SARDH: variants seen among roughly 807,000 people sequenced by gnomAD.
SARDH encodes sarcosine dehydrogenase, also known as sarcosine dehydrogenase, mitochondrial.
SARDH carries 95 observed loss-of-function variants against 109.1 expected under a neutral mutation model. That is an observed-to-expected ratio of 0.87 (90% CI 0.74 to 1.03). The LOEUF is 1.03. SARDH is among the 50% of genes least tolerant of loss of function. The pLI is 0.00. For synonymous variants in SARDH, 572 were observed against 534.8 expected, an observed-to-expected ratio of 1.07 and a Z score of -0.96; for missense variants, 1,267 against 1,287.8, an observed-to-expected ratio of 0.98 and a Z score of 0.25.
In SARDH at chr9:133,731,299, C is replaced by A; in HGVS notation, c.690+6G>T. 1.9e-6 allele frequency: 3 copies of A among 1,613,858 alleles called. No individual in the cohort carries two copies. Among genetic ancestry groups the A allele is most frequent in the Non-Finnish European group, 2.5e-6 (3 of 1,179,882 alleles). On this transcript the variant is annotated splice_donor_region_variant and intron_variant, in intron 4 of 20. Transcript: ENST00000439388. ...AGGGGACCCAGAGCCAGGCGGCCAT[C>A]AGTACCTGTGCTCCTCGGGCAGAAG...
intron 17 of SARDH, among the ~76,000 whole-genome samples, chr9:133,680,069 AT>A (rs1830644825): frequency 6.6e-6 from 1 of 152,300 alleles, no homozygotes; most frequent in East Asian, 1.9e-4. Context: ...TCATCAACAC[AT>A]TTTTAAGCCA....
chr9:133,699,060 AAGAC>A (rs953255194), intron 13 of SARDH, among the ~76,000 whole-genome samples: 2 of 152,210 alleles, frequency 1.3e-5, no homozygotes, highest in African/African-American at 4.8e-5. Flanking sequence ...CAATAATAAA[AAGAC>A]AGTCGGCTGC....
At position 133,667,572 on chromosome 9, in the gene SARDH, C is replaced by CA. The variant is rs796833527; in HGVS notation, c.2496-703dup. Among the ~76,000 whole-genome samples, 251 of 138,654 alleles carry CA rather than the reference C, an allele frequency of 1.8e-3. 1 individual carries two copies. The highest frequency in any genetic ancestry group is 0.017 in the East Asian group (84 of 4,864). The allele number at this position is 138,654 out of a possible 152,430, so 91.0% of individuals were successfully genotyped here. A position where few individuals can be genotyped will look rare whatever the true frequency, so the allele number is the denominator to read the frequency against. ...GTTTTAAAGATTAAAAGCAGGAAGACAAAAAAAAAAAAGTAAGCTAAAATC... is the reference window on the plus strand; with the variant it reads ...GTTTTAAAGATTAAAAGCAGGAAGACAAAAAAAAAAAAAGTAAGCTAAAATC... On this transcript the variant is annotated intron_variant, in intron 19 of 20. Transcript: ENST00000439388.
At chr9:133,733,720 C>T in intron 2 of SARDH, 123 bp downstream of exon 2, 1 of 1,004,280 alleles carries the variant, frequency 1.0e-6, no homozygotes, top group Non-Finnish European at 1.4e-6. Flanking sequence ...GCCATGCACC[C>T]TTCCCCAGGG....
intron 2 of SARDH, 53 bp from the exon 3 acceptor site, chr9:133,732,654 TC>T: frequency 6.5e-7 from 1 of 1,531,584 alleles, no homozygotes; most frequent in Non-Finnish European, 8.8e-7. Context: ...TGCACCTCCT[TC>T]CCCCAGACGA....
chr9:133,684,777 G>A (rs903843132), intron 17 of SARDH, among the ~76,000 whole-genome samples: 4 of 152,226 alleles, frequency 2.6e-5, no homozygotes, highest in Non-Finnish European at 5.9e-5. Context: ...CAGCTGGGAG[G>A]CTGCCACACG....
chr9:133,708,820 C>T (rs1831803848), intron 10 of SARDH, among the ~76,000 whole-genome samples: 1 of 152,068 alleles, frequency 6.6e-6, no homozygotes, highest in Non-Finnish European at 1.5e-5. Flanking sequence ...GCTCAGATCC[C>T]CAGAATGCTC....
At position 133,666,939 on chromosome 9, in the gene SARDH, G is replaced by A. The variant is rs1250773345; in HGVS notation, c.2496-69C>T. The A allele has an allele frequency of 6.3e-7, 1 of 1,584,646 alleles. No homozygotes were observed. The highest frequency in any genetic ancestry group is 1.3e-5 in the African/African-American group (1 of 74,404). On this transcript the variant is annotated intron_variant, in intron 19 of 20. Coordinates refer to ENST00000439388, the MANE Select transcript of SARDH (RefSeq NM_001134707.2). The surrounding 1 kb of genome is among the most constrained non-coding windows in gnomAD (Gnocchi z 5.2). Reference sequence around the variant, plus strand: ...GGTGGGGACGCGTCCACAGCGGCCTGGAGGAGAATGGGGGGCTGCATGATG... The same window carrying A: ...GGTGGGGACGCGTCCACAGCGGCCTAGAGGAGAATGGGGGGCTGCATGATG...
Position 133,696,257 on chromosome 9 carries a change from G to C in SARDH, c.1773C>G (p.Asp591Glu). Residue 591 changes from aspartate to glutamate, a missense_variant, in exon 14 of 21, where the codon GAC becomes GAG. Asp to Glu is a conservative substitution (Grantham distance 45, BLOSUM62 2). Coordinates refer to ENST00000439388, the MANE Select transcript of SARDH (RefSeq NM_001134707.2). ...GGCTGACATCTGCGGAGAAGAGCCA[G>C]TCGGCAGCCTTCCTTGCATCCAGCC... ...LVGLDARKAA[D>E]WLFSADVSRP... The C allele has an allele frequency of 6.2e-7, 1 of 1,614,156 alleles. No homozygotes were observed. The highest frequency in any genetic ancestry group is 8.5e-7 in the Non-Finnish European group (1 of 1,180,044).
intron 10 of SARDH, among the ~76,000 whole-genome samples, chr9:133,711,250 G>C (rs576356139): frequency 6.6e-6 from 1 of 152,344 alleles, no homozygotes; most frequent in South Asian, 2.1e-4. Context: ...GCACAGAGAG[G>C]CCACACAGAA....
chr9:133,724,404 G>A (rs935719996), intron 6 of SARDH, among the ~76,000 whole-genome samples: 4 of 152,206 alleles, frequency 2.6e-5, no homozygotes, highest in Non-Finnish European at 5.9e-5. Flanking sequence ...GTAAGCACAT[G>A]AAGAGATGCC....
rs761897698 is a variant in SARDH, at chr9:133,685,134, G to A, written c.2163+59C>T. On this transcript the variant is annotated intron_variant, in intron 17 of 20. Coordinates refer to ENST00000439388, the MANE Select transcript of SARDH (RefSeq NM_001134707.2). ...GCCCCCAGCCCCCAGATCCCCCGGC[G>A]CACCCCTCACACCATGCTGCCACCC... 384 of 1,438,098 alleles carry A rather than the reference G, an allele frequency of 2.7e-4. 2 individuals are homozygous for A. The highest frequency in any genetic ancestry group is 4.9e-4 in the South Asian group (41 of 83,684). 89.1% of individuals were successfully genotyped at this position (1,438,098 alleles called of 1,614,324 possible).
chr9:133,659,663 G>T (rs1362859244), downstream of SARDH, among the ~76,000 whole-genome samples: 2 of 152,178 alleles, frequency 1.3e-5, no homozygotes, highest in Non-Finnish European at 2.9e-5. Context: ...CTTCTGCAAG[G>T]CACTTCACTT....
chr9:133,728,012 G>C lies in SARDH; in HGVS notation c.915+1753C>G, dbSNP rs2131496188. ...CACTGAGACCTGAGCGTGACCCCTGGCGGCCACCTAGGGGAGGAGGCTCTC... is the reference window on the plus strand; with the variant it reads ...CACTGAGACCTGAGCGTGACCCCTGCCGGCCACCTAGGGGAGGAGGCTCTC... On this transcript the variant is annotated intron_variant, in intron 6 of 20. Transcript: ENST00000439388. This position sits in a 1 kb window ranked among gnomAD's most constrained non-coding sequence, Gnocchi z 5.0. Among the ~76,000 whole-genome samples, 1 of 152,192 alleles carries C rather than the reference G, an allele frequency of 6.6e-6. No individual in the cohort carries two copies. The highest frequency in any genetic ancestry group is 1.9e-4 in the East Asian group (1 of 5,166).
At chr9:133,689,688 A>G (rs1831022052) in intron 16 of SARDH, among the ~76,000 whole-genome samples, 1 of 152,094 alleles carries the variant, frequency 6.6e-6, no homozygotes, top group Admixed American at 6.5e-5. Flanking sequence ...GGCAAGTCAC[A>G]GGTGCTCCAC....
intron 6 of SARDH, among the ~76,000 whole-genome samples, chr9:133,723,822 G>A (rs1190725169): frequency 2.0e-5 from 3 of 152,070 alleles, no homozygotes; most frequent in African/African-American, 7.2e-5. Context: ...TTTCAGCAAG[G>A]GTGCTAAGAC....
chr9:133,704,929 C>A lies in SARDH; in HGVS notation c.1554+19G>T. On this transcript the variant is annotated intron_variant, in intron 12 of 20. Transcript: ENST00000439388. This position sits in a 1 kb window ranked among gnomAD's most constrained non-coding sequence, Gnocchi z 4.5. ...AGGGCAGGGCCTCCCAGCAGCACAG[C>A]CCAGCAGGCACTACTCACCGGAGCT... 1 of 1,564,586 alleles carries A rather than the reference C, an allele frequency of 6.4e-7. No individual in the cohort carries two copies. Among genetic ancestry groups the A allele is most frequent in the Non-Finnish European group, 8.7e-7 (1 of 1,154,254 alleles).
chr9:133,729,497 G>A (rs1393574578), intron 6 of SARDH, among the ~76,000 whole-genome samples: 2 of 152,192 alleles, frequency 1.3e-5, no homozygotes, highest in Non-Finnish European at 2.9e-5. Flanking sequence ...AGGACAGGCT[G>A]GACTGTGTTC....
intron 15 of SARDH, 152 bp downstream of exon 15, chr9:133,694,106 C>T: frequency 1.6e-6 from 1 of 611,816 alleles, no homozygotes; most frequent in South Asian, 2.2e-5. Flanking sequence ...GAAACGAGAC[C>T]TCTAATCTCC....
Sources: gnomAD v4.1 joint callset for allele counts (sites outside exome capture counted in the v4.1 genomes callset) on GRCh38, gnomAD v4.1.1 for gene constraint, Gnocchi (gnomAD v3.1) non-coding constraint, MANE v1.5 for transcripts, NCBI Gene and HGNC (gene_info 2026-07-23, HGNC 2026-07-21) for gene names.